The following NOL4 variants were observed in gnomAD, a reference collection of about 807,000 sequenced individuals.
NOL4 encodes the protein cancer/testis antigen 125.
Under a neutral mutation model 75.9 loss-of-function variants are expected in NOL4, and 17 were observed. The ratio of observed to expected loss-of-function variants is 0.22; its 90% CI spans 0.15 to 0.34. The LOEUF (loss-of-function observed/expected upper bound fraction) is 0.34. Among genes scored for constraint, NOL4 ranks in the 10% least tolerant of loss-of-function variants. The pLI is 1.00. For synonymous variants in NOL4, 292 were observed against 289.9 expected (o/e 1.01, Z -0.07); for missense variants, 614 against 793.5 (o/e 0.77, Z 2.72).
At chr18:34,201,785 G>A (rs1017595091) in intron 1 of NOL4, among the ~76,000 whole-genome samples, 2 of 151,378 alleles carry the variant, frequency 1.3e-5, no homozygotes, top group African/African-American at 4.8e-5. Flanking sequence ...TAAAATATCT[G>A]TAAATTTTCT....
rs1169540936 is a variant in NOL4 at position 34,019,393 on chromosome 18, A to G, written c.981T>C (p.Asn327=). 1.2e-6 allele frequency: 2 copies of G among 1,613,718 alleles called. No individual in the cohort carries two copies. Among genetic ancestry groups the G allele is most frequent in the Non-Finnish European group, 8.5e-7 (1 of 1,179,920 alleles). The change falls in exon 6 of 11, where the codon AAT becomes AAC. Residue 327 remains asparagine (N), a synonymous_variant. Transcript: ENST00000261592. ...GAAGATTCTTATACTTGTTTTTCCC[A>G]TTACTGTTGTGATCATCTATTCTGT... ...SEYRIDDHNS[N]GKNKYKNLLI...
At chr18:34,080,751 A>G (rs2077972035) in intron 5 of NOL4, among the ~76,000 whole-genome samples, 2 of 152,214 alleles carry the variant, frequency 1.3e-5, no homozygotes, top group South Asian at 4.1e-4. Context: ...TAGAAAACAC[A>G]TGTTTAACTG....
At chr18:34,222,396 G>T (rs2037382427) in intron 1 of NOL4, 1 of 1,143,198 alleles carries the variant, frequency 8.7e-7, no homozygotes, top group Non-Finnish European at 1.1e-6. Flanking sequence ...CTCAACAGTC[G>T]CGGCAACGAT....
At chr18:34,045,224 T>C (rs1158861673) in intron 5 of NOL4, among the ~76,000 whole-genome samples, 1 of 152,172 alleles carries the variant, frequency 6.6e-6, no homozygotes, top group Non-Finnish European at 1.5e-5. Context: ...GCCTGGGCTG[T>C]CAAATAAATC....
chr18:33,950,370 T>G (rs866102109), intron 8 of NOL4, among the ~76,000 whole-genome samples: 3 of 152,234 alleles, frequency 2.0e-5, no homozygotes, highest in Non-Finnish European at 4.4e-5. Flanking sequence ...AAATACCAGT[T>G]GCAAGATGCT....
chr18:33,853,878 T>G (rs2144114343), intron 10 of NOL4, among the ~76,000 whole-genome samples: 1 of 152,276 alleles, frequency 6.6e-6, no homozygotes, highest in African/African-American at 2.4e-5. Flanking sequence ...TTGTAAATTT[T>G]TACTTAAAAA....
intron 2 of NOL4, among the ~76,000 whole-genome samples, chr18:34,125,245 G>A (rs902279236): frequency 8.5e-5 from 13 of 152,210 alleles, no homozygotes; most frequent in African/African-American, 2.6e-4. Context: ...TTCCTGGCAT[G>A]AATCAAAAAG....
chr18:34,164,448 T>G (rs1313710199), intron 1 of NOL4, among the ~76,000 whole-genome samples: 1 of 152,116 alleles, frequency 6.6e-6, no homozygotes, highest in Non-Finnish European at 1.5e-5. Context: ...GAACAGACAC[T>G]TCTCAAAAGA....
intron 10 of NOL4, among the ~76,000 whole-genome samples, chr18:33,873,223 CA>C: frequency 6.6e-6 from 1 of 150,840 alleles, no homozygotes; most frequent in East Asian, 1.9e-4. Context: ...AAATTATCTA[CA>C]AAGTTTTACA....
In NOL4 at chr18:33,978,346, A is replaced by G. The variant is rs559262011; in HGVS notation, c.1057-19928T>C. 1.4e-4 allele frequency among the ~76,000 whole-genome samples: 21 copies of G among 152,256 alleles called. No homozygotes were observed. In the South Asian group the frequency reaches 4.1e-3, roughly 30 times the overall value. ...TAGGAAAAATGGCCAAATTCTGGCCAAAGGAGAGACTTGGGTGTCAAGAGA... is the reference window on the plus strand; with the variant it reads ...TAGGAAAAATGGCCAAATTCTGGCCGAAGGAGAGACTTGGGTGTCAAGAGA... On this transcript the variant is annotated intron_variant, in intron 6 of 10. Transcript: ENST00000261592.
At chr18:33,913,343 G>A (rs78519444) in intron 9 of NOL4, among the ~76,000 whole-genome samples, 3,727 of 152,188 alleles carry the variant, frequency 0.024, 86 homozygotes, top group Non-Finnish European at 0.032. Flanking sequence ...ATAGGGCTTA[G>A]GCCCATGACA....
intron 1 of NOL4, among the ~76,000 whole-genome samples, chr18:34,204,836 T>C (rs1452820236): frequency 6.6e-6 from 1 of 152,122 alleles, no homozygotes; most frequent in Admixed American, 6.6e-5. Context: ...GAATTAAATT[T>C]AGTTGTCAGA....
intron 9 of NOL4, among the ~76,000 whole-genome samples, chr18:33,927,820 T>C (rs1047326763): frequency 1.3e-5 from 2 of 152,108 alleles, no homozygotes; most frequent in Non-Finnish European, 2.9e-5. Flanking sequence ...ATAACTGAGG[T>C]AACAAGTATG....
chr18:34,058,381 G>A (rs916601444), intron 5 of NOL4, among the ~76,000 whole-genome samples: 2 of 152,112 alleles, frequency 1.3e-5, no homozygotes, highest in Non-Finnish European at 2.9e-5. Flanking sequence ...TGATCTGCCC[G>A]CCTTGGCCTC....
chr18:33,954,482 G>A (rs557069785), intron 8 of NOL4, among the ~76,000 whole-genome samples: 1 of 152,056 alleles, frequency 6.6e-6, no homozygotes, highest in African/African-American at 2.4e-5. Flanking sequence ...AAAGAAAGAT[G>A]AACTCAGATT....
At position 33,912,117 on chromosome 18, in the gene NOL4, C is replaced by T. The variant is rs899169636; in HGVS notation, c.1543-28693G>A. Among the ~76,000 whole-genome samples the T allele has an allele frequency of 4.6e-5, 7 of 152,128 alleles. 1 individual carries two copies. Among genetic ancestry groups the T allele is most frequent in the East Asian group, 3.9e-4 (2 of 5,162 alleles). ...CTTCAGTTCTTAGACTTTCCAGAGT[C>T]GACAGAGACTGAGTGGCTTCTAATT... On this transcript the variant is annotated intron_variant, in intron 9 of 10. Transcript: ENST00000261592.
At chr18:33,940,754 T>G (rs1014634500) in intron 9 of NOL4, among the ~76,000 whole-genome samples, 3 of 152,036 alleles carry the variant, frequency 2.0e-5, no homozygotes, top group Admixed American at 6.6e-5. Flanking sequence ...TATTTTTTTG[T>G]GTGGAGATAT....
intron 1 of NOL4, among the ~76,000 whole-genome samples, chr18:34,136,581 A>G (rs1478445059): frequency 6.6e-6 from 1 of 152,124 alleles, no homozygotes; most frequent in Admixed American, 6.6e-5. Flanking sequence ...TTCTTTTATA[A>G]GGGTTTCAAA....
chr18:33,861,503 T>A (rs1697762340), intron 10 of NOL4, among the ~76,000 whole-genome samples: 1 of 152,170 alleles, frequency 6.6e-6, no homozygotes, highest in Non-Finnish European at 1.5e-5. Flanking sequence ...TTTTTTATTG[T>A]GTCTATTTGA....
Sources: allele counts gnomAD v4.1 joint callset (sites outside exome capture counted in the v4.1 genomes callset), GRCh38; gene constraint gnomAD v4.1.1; transcripts MANE v1.5; gene names NCBI Gene and HGNC (gene_info 2026-07-23, HGNC 2026-07-21).